Variants in COL9A2 observed in about 807,000 individuals in gnomAD.
COL9A2 encodes collagen type IX alpha 2 chain.
COL9A2 carries 66 observed loss-of-function variants against 111.6 expected under a neutral mutation model. The observed-to-expected ratio is 0.59, with a 90% CI of 0.48 to 0.73. The LOEUF is 0.73. COL9A2 is among the 30% of genes least tolerant of loss of function. COL9A2 has a pLI of 0.00. For synonymous variants in COL9A2, 353 were observed against 364.1 expected (o/e 0.97, Z 0.35); for missense variants, 881 against 954.1 (o/e 0.92, Z 1.01).
Position 40,307,325 on chromosome 1 carries a change from G to A in COL9A2, c.1008+121C>T. 5.2e-6 allele frequency: 5 copies of A among 956,168 alleles called. No homozygotes were observed. The highest frequency in any genetic ancestry group is 1.6e-5 in the African/African-American group (1 of 61,686). 59.2% of individuals were successfully genotyped at this position (956,168 alleles called of 1,614,324 possible). ...TAATGAAGCCTTCGCCAGGCCAGGGGCCACAGAGTTGGTAACAAGGCAAGA... is the reference window on the plus strand; with the variant it reads ...TAATGAAGCCTTCGCCAGGCCAGGGACCACAGAGTTGGTAACAAGGCAAGA... On this transcript the variant is annotated intron_variant, in intron 19 of 31. Transcript: ENST00000372748. This position sits in a 1 kb window ranked among gnomAD's most constrained non-coding sequence, Gnocchi z 4.8.
In COL9A2 at chr1:40,304,844, C is replaced by G; in HGVS notation, c.1111G>C (p.Glu371Gln). The change falls in exon 22 of 32, where the codon GAG becomes CAG. Residue 371 changes from glutamate (E) to glutamine (Q), a missense_variant. Coordinates refer to ENST00000372748, the MANE Select transcript of COL9A2 (RefSeq NM_001852.4). ...GFSGPPGKEG[E>Q]PGPRGEIGPQ... ...CCAATTTCTCCTCGAGGCCCTGGCTCTCCCTGGAGGAAGGAGAAATTGGGG... is the reference window on the plus strand; with the variant it reads ...CCAATTTCTCCTCGAGGCCCTGGCTGTCCCTGGAGGAAGGAGAAATTGGGG... 6.4e-7 allele frequency: 1 copy of G among 1,550,426 alleles called. No homozygotes were observed. The highest frequency in any genetic ancestry group is 2.4e-5 in the East Asian group (1 of 40,910).
In COL9A2 at chr1:40,304,532, G is replaced by A. The variant is rs368209124; in HGVS notation, c.1162-3C>T. ...GGACCCCTCTCGCCTTGGTCACCCT[G>A]AAATGGAAAGAGAAGGTCACAACCT... On this transcript the variant is annotated splice_region_variant and splice_polypyrimidine_tract_variant and intron_variant, in intron 22 of 31. Coordinates refer to ENST00000372748, the MANE Select transcript of COL9A2 (RefSeq NM_001852.4). 733 of 1,614,014 alleles carry A rather than the reference G, an allele frequency of 4.5e-4. 1 individual carries two copies. The highest frequency in any genetic ancestry group is 5.9e-4 in the Non-Finnish European group (694 of 1,180,022).
Position 40,317,091 on chromosome 1 carries a change from G to C in COL9A2, c.75+32C>G. The stretch of plus-strand genomic sequence containing the variant: ...CCCGGACTCCAGACCCCGCACCCTG[G>C]ACCCTGGCAGCGGAGGGGCTGCGAA... On this transcript the variant is annotated intron_variant, in intron 1 of 31. Transcript: ENST00000372748. This position sits in a 1 kb window ranked among gnomAD's most constrained non-coding sequence, Gnocchi z 4.3. The C allele has an allele frequency of 6.5e-7, 1 of 1,550,294 alleles. No homozygotes were observed. Among genetic ancestry groups the C allele is most frequent in the Non-Finnish European group, 8.7e-7 (1 of 1,145,316 alleles).
chr1:40,303,860 G>C lies in COL9A2; in HGVS notation c.1369-21C>G. ...TCGCCCTGCAGGCACAAGGAGCAGC[G>C]GTCACGAAGCCGCGGGGACCCCGGG... On this transcript the variant is annotated intron_variant, in intron 26 of 31. Coordinates refer to ENST00000372748, the MANE Select transcript of COL9A2 (RefSeq NM_001852.4). This position sits in a 1 kb window ranked among gnomAD's most constrained non-coding sequence, Gnocchi z 4.6. 1.3e-6 allele frequency: 2 copies of C among 1,551,880 alleles called. No individual in the cohort carries two copies. The highest frequency in any genetic ancestry group is 2.7e-5 in the African/African-American group (2 of 73,192).
rs926850967 is a variant in COL9A2, at chr1:40,307,256, G to A, written c.1008+190C>T. ...GGTCAGATCCCATTTAGCCAACATGGAGGACTGGAATGGCCAAAGAGAAGG... is the reference window on the plus strand; with the variant it reads ...GGTCAGATCCCATTTAGCCAACATGAAGGACTGGAATGGCCAAAGAGAAGG... On this transcript the variant is annotated intron_variant, in intron 19 of 31. Coordinates refer to ENST00000372748, the MANE Select transcript of COL9A2 (RefSeq NM_001852.4). This position sits in a 1 kb window ranked among gnomAD's most constrained non-coding sequence, Gnocchi z 4.8. Among the ~76,000 whole-genome samples, 1 of 152,356 alleles carries A rather than the reference G, an allele frequency of 6.6e-6. No individual in the cohort carries two copies. Among genetic ancestry groups the A allele is most frequent in the African/African-American group, 2.4e-5 (1 of 41,578 alleles).
rs974125067 is a variant in COL9A2 at position 40,316,936 on chromosome 1, C to G, written c.75+187G>C. 6.6e-6 allele frequency among the ~76,000 whole-genome samples: 1 copy of G among 152,192 alleles called. No homozygotes were observed. The highest frequency in any genetic ancestry group is 2.1e-4 in the South Asian group (1 of 4,834). ...CCGTTTGACTCTCCGGCTCAGCCAC[C>G]TCCATTCACGGTGCCGCGATGGGCA... On this transcript the variant is annotated intron_variant, in intron 1 of 31. Coordinates refer to ENST00000372748, the MANE Select transcript of COL9A2 (RefSeq NM_001852.4). The surrounding 1 kb of genome is among the most constrained non-coding windows in gnomAD (Gnocchi z 5.5).
In COL9A2 at chr1:40,303,335, G is replaced by A; in HGVS notation, c.1549-150C>T. 8.7e-7 allele frequency: 1 copy of A among 1,143,210 alleles called. No individual in the cohort carries two copies. Among genetic ancestry groups the A allele is most frequent in the Non-Finnish European group, 1.3e-6 (1 of 785,422 alleles). 70.8% of individuals were successfully genotyped at this position (1,143,210 alleles called of 1,614,324 possible). On this transcript the variant is annotated intron_variant, in intron 28 of 31. Coordinates refer to ENST00000372748, the MANE Select transcript of COL9A2 (RefSeq NM_001852.4). This position sits in a 1 kb window ranked among gnomAD's most constrained non-coding sequence, Gnocchi z 4.6. Reference sequence around the variant, plus strand: ...GAGGAACAGATTGTACCTGGGCAGGGCCAAGGGCTTACTTGGGAAGGTCGC... The same window carrying A: ...GAGGAACAGATTGTACCTGGGCAGGACCAAGGGCTTACTTGGGAAGGTCGC...
In COL9A2 at chr1:40,310,837, ACCACCTCTTTTCC is replaced by A; in HGVS notation, c.631-83_631-71del. ...GACACATATACAGACAAGCAAAGAT[ACCACCTCTTTTCC>A]CCAGCACAAGCAGACGGGAGGGACT... On this transcript the variant is annotated intron_variant, in intron 12 of 31. Coordinates refer to ENST00000372748, the MANE Select transcript of COL9A2 (RefSeq NM_001852.4). This position sits in a 1 kb window ranked among gnomAD's most constrained non-coding sequence, Gnocchi z 4.9. The A allele has an allele frequency of 7.6e-7, 1 of 1,317,602 alleles. No individual in the cohort carries two copies. Among genetic ancestry groups the A allele is most frequent in the Non-Finnish European group, 1.1e-6 (1 of 935,026 alleles). 81.6% of individuals were successfully genotyped at this position (1,317,602 alleles called of 1,614,324 possible). A position where few individuals can be genotyped will look rare whatever the true frequency, so the allele number is the denominator to read the frequency against.
chr1:40,304,683 T>A (rs1643995490), intron 22 of COL9A2, 111 bp downstream of exon 22: 26 of 1,387,294 alleles, frequency 1.9e-5, no homozygotes, highest in Non-Finnish European at 2.6e-5. Flanking sequence ...AAAGCAAACC[T>A]AGGCCCTGCC....
Position 40,302,590 on chromosome 1 carries a change from G to T in COL9A2, c.1792+31C>A. 6.3e-7 allele frequency: 1 copy of T among 1,574,896 alleles called. No individual in the cohort carries two copies. Among genetic ancestry groups the T allele is most frequent in the Non-Finnish European group, 8.6e-7 (1 of 1,163,638 alleles). On this transcript the variant is annotated intron_variant, in intron 30 of 31. Coordinates refer to ENST00000372748, the MANE Select transcript of COL9A2 (RefSeq NM_001852.4). The surrounding 1 kb of genome is among the most constrained non-coding windows in gnomAD (Gnocchi z 4.5). The stretch of plus-strand genomic sequence containing the variant: ...GGCCTGGACAAATCCTCACTGCCTG[G>T]CCCCCATGCCCACCGCAGAGGAGCA...
Position 40,310,821 on chromosome 1 carries a change from A to G in COL9A2, c.631-54T>C. On this transcript the variant is annotated intron_variant, in intron 12 of 31. Transcript: ENST00000372748. This position sits in a 1 kb window ranked among gnomAD's most constrained non-coding sequence, Gnocchi z 4.9. ...GGCAGGCAGATGGAAAGACACATAT[A>G]CAGACAAGCAAAGATACCACCTCTT... 2 of 1,437,326 alleles carry G rather than the reference A, an allele frequency of 1.4e-6. No homozygotes were observed. 89.0% of individuals were successfully genotyped at this position (1,437,326 alleles called of 1,614,324 possible).
Position 40,312,810 on chromosome 1 carries a change from C to A in COL9A2, c.250-26G>T. 2 of 1,546,778 alleles carry A rather than the reference C, an allele frequency of 1.3e-6. No homozygotes were observed. The highest frequency in any genetic ancestry group is 2.4e-5 in the South Asian group (2 of 83,828). On this transcript the variant is annotated intron_variant, in intron 4 of 31. Coordinates refer to ENST00000372748, the MANE Select transcript of COL9A2 (RefSeq NM_001852.4). This position sits in a 1 kb window ranked among gnomAD's most constrained non-coding sequence, Gnocchi z 6.0. ...CTGGGGAAGAATGAAAATGTAGGAT[C>A]AATGAGGGCCAACCTGCTCCCTGAC...
Position 40,302,519 on chromosome 1 carries a change from G to C in COL9A2, c.1792+102C>G, listed in dbSNP as rs117337557. ...CCTGGACCATGTGGCTGAGGAACCG[G>C]GGAAGGGTCTGTATGTCATCCTGAG... On this transcript the variant is annotated intron_variant, in intron 30 of 31. Coordinates refer to ENST00000372748, the MANE Select transcript of COL9A2 (RefSeq NM_001852.4). The surrounding 1 kb of genome is among the most constrained non-coding windows in gnomAD (Gnocchi z 4.5). 1 of 1,331,266 alleles carries C rather than the reference G, an allele frequency of 7.5e-7. No individual in the cohort carries two copies. Among genetic ancestry groups the C allele is most frequent in the African/African-American group, 1.5e-5 (1 of 68,662 alleles). The allele number at this position is 1,331,266 out of a possible 1,614,324, so 82.5% of individuals were successfully genotyped here.
chr1:40,301,706 T>C (rs1222738969), intron 31 of COL9A2, 106 bp downstream of exon 31: 1 of 1,088,994 alleles, frequency 9.2e-7, no homozygotes. Flanking sequence ...TATCAAGGAC[T>C]GAGCTGGCTG....
chr1:40,308,175 A>G lies in COL9A2; in HGVS notation c.900+17T>C. The G allele has an allele frequency of 6.2e-7, 1 of 1,613,662 alleles. No homozygotes were observed. The highest frequency in any genetic ancestry group is 8.5e-7 in the Non-Finnish European group (1 of 1,179,596). ...CCCTGGCCTCTGTCCTGGTGGGCCT[A>G]GGCCTCTGGCACCTACCGTTGCTCC... On this transcript the variant is annotated intron_variant, in intron 17 of 31. Coordinates refer to ENST00000372748, the MANE Select transcript of COL9A2 (RefSeq NM_001852.4).
chr1:40,310,337 A>G lies in COL9A2; in HGVS notation c.685-20T>C. 1 of 1,613,686 alleles carries G rather than the reference A, an allele frequency of 6.2e-7. No individual in the cohort carries two copies. Among genetic ancestry groups the G allele is most frequent in the Non-Finnish European group, 8.5e-7 (1 of 1,179,808 alleles). The stretch of plus-strand genomic sequence containing the variant: ...GGGACCCTGTTGAGAAAGAAAAATG[A>G]CAGCAATGGCAATTGCAAGGCCCAC... On this transcript the variant is annotated intron_variant, in intron 13 of 31. Transcript: ENST00000372748. This position sits in a 1 kb window ranked among gnomAD's most constrained non-coding sequence, Gnocchi z 4.9.
Position 40,307,353 on chromosome 1 carries a change from T to A in COL9A2, c.1008+93A>T. The A allele has an allele frequency of 8.3e-7, 1 of 1,205,840 alleles. No homozygotes were observed. Among genetic ancestry groups the A allele is most frequent in the African/African-American group, 1.5e-5 (1 of 66,424 alleles). 74.7% of individuals were successfully genotyped at this position (1,205,840 alleles called of 1,614,324 possible). ...ACAGAGTTGGTAACAAGGCAAGAGGTGGTGATTGAGCAAGAGCCCCGGGTG... is the reference window on the plus strand; with the variant it reads ...ACAGAGTTGGTAACAAGGCAAGAGGAGGTGATTGAGCAAGAGCCCCGGGTG... On this transcript the variant is annotated intron_variant, in intron 19 of 31. Transcript: ENST00000372748. This position sits in a 1 kb window ranked among gnomAD's most constrained non-coding sequence, Gnocchi z 4.8.
intron 4 of COL9A2, among the ~76,000 whole-genome samples, chr1:40,313,531 C>G (rs1210861899): frequency 1.3e-5 from 2 of 152,200 alleles, no homozygotes; most frequent in Non-Finnish European, 2.9e-5. Context: ...GATGTGAGAA[C>G]TGATGCAACA....
In COL9A2 at chr1:40,317,188, C is replaced by T. The variant is rs201243011; in HGVS notation, c.10G>A (p.Ala4Thr). The T allele has an allele frequency of 2.0e-5, 32 of 1,581,156 alleles. No homozygotes were observed. The African/African-American group carries it at 2.2e-4, about 11-fold the overall frequency. The change falls in exon 1 of 32, where the codon GCT becomes ACT. Residue 4 changes from alanine (A) to threonine (T), a missense_variant. Physicochemically the swap from Ala to Thr is moderately conservative, Grantham distance 58. Coordinates refer to ENST00000372748, the MANE Select transcript of COL9A2 (RefSeq NM_001852.4). This position sits in a 1 kb window ranked among gnomAD's most constrained non-coding sequence, Gnocchi z 4.3. ...AGGAGGCTGCGGGGGGAGGCCGTAGCGGCGGCCATGGCTGGCGGCGAGACC... is the reference window on the plus strand; with the variant it reads ...AGGAGGCTGCGGGGGGAGGCCGTAGTGGCGGCCATGGCTGGCGGCGAGACC... MAA[A>T]TASPRSLLVL...
Sources: gnomAD v4.1 joint callset for allele counts (sites outside exome capture counted in the v4.1 genomes callset) on GRCh38, gnomAD v4.1.1 for gene constraint, Gnocchi (gnomAD v3.1) non-coding constraint, MANE v1.5 for transcripts, NCBI Gene and HGNC (gene_info 2026-07-23, HGNC 2026-07-21) for gene names.